The following CAMK2B variants were observed in gnomAD, a reference collection of about 807,000 sequenced individuals.
CAMK2B encodes the protein calcium/calmodulin dependent protein kinase II beta.
In CAMK2B, 27 loss-of-function variants were observed where a neutral mutation model predicts 93.7. The ratio of observed to expected loss-of-function variants is 0.29; its 90% confidence interval spans 0.21 to 0.40. The LOEUF is 0.40. CAMK2B is among the 10% of genes least tolerant of loss of function. The pLI is 1.00. For missense variants in CAMK2B, 568 were observed against 895.8 expected (o/e 0.63, Z 4.67); for synonymous variants, 374 against 358.8 (o/e 1.04, Z -0.48).
chr7:44,230,754 C>A (rs140888217), intron 17 of CAMK2B, among the ~76,000 whole-genome samples: 9 of 152,142 alleles, frequency 5.9e-5, no homozygotes, highest in African/African-American at 2.2e-4. Context: ...CATGCAAAGC[C>A]GTGGCTTCCT....
intron 12 of CAMK2B, among the ~76,000 whole-genome samples, chr7:44,240,363 A>G (rs2096666440): frequency 6.6e-6 from 1 of 152,200 alleles, no homozygotes; most frequent in African/African-American, 2.4e-5. Flanking sequence ...TGTTCAGAGC[A>G]CTCAAAATGA....
At chr7:44,314,058 C>T (rs1051389310) in intron 1 of CAMK2B, among the ~76,000 whole-genome samples, 2 of 152,176 alleles carry the variant, frequency 1.3e-5, no homozygotes, top group East Asian at 3.9e-4. Flanking sequence ...GCAATGTGAA[C>T]GTCGAGATCC....
At chr7:44,251,142 G>A (rs1337565272) in intron 5 of CAMK2B, among the ~76,000 whole-genome samples, 1 of 152,162 alleles carries the variant, frequency 6.6e-6, no homozygotes, top group Non-Finnish European at 1.5e-5. Flanking sequence ...CGTCTGTGTG[G>A]TTCGGAAAGC....
At chr7:44,234,578 G>T (rs1468614315) in intron 14 of CAMK2B, 61 bp downstream of exon 14, 9 of 1,597,576 alleles carry the variant, frequency 5.6e-6, no homozygotes, top group Non-Finnish European at 6.0e-6. Context: ...GCCCCAGGGC[G>T]TGGGGGTGAA....
At chr7:44,238,074 T>C (rs894797345) in intron 13 of CAMK2B, among the ~76,000 whole-genome samples, 5 of 152,206 alleles carry the variant, frequency 3.3e-5, no homozygotes, top group African/African-American at 7.2e-5. Flanking sequence ...TCAGCTGCCA[T>C]TGGCAGAGAA....
intron 1 of CAMK2B, among the ~76,000 whole-genome samples, chr7:44,309,847 C>T (rs1793020719): frequency 6.6e-6 from 1 of 152,282 alleles, no homozygotes; most frequent in African/African-American, 2.4e-5. Flanking sequence ...GTCCGCGCAG[C>T]CTTGCAGCGA....
chr7:44,265,162 C>T (rs971221610), intron 2 of CAMK2B, among the ~76,000 whole-genome samples: 1 of 152,206 alleles, frequency 6.6e-6, no homozygotes, highest in African/African-American at 2.4e-5. Context: ...CACTTCTGTA[C>T]AATCTCCCTG....
intron 10 of CAMK2B, 85 bp downstream of exon 10, chr7:44,242,133 C>A: frequency 6.6e-7 from 1 of 1,504,372 alleles, no homozygotes; most frequent in Non-Finnish European, 9.0e-7. Context: ...GAACAGGACC[C>A]TCTTGGGGTC....
chr7:44,254,434 A>G, intron 5 of CAMK2B, 108 bp downstream of exon 5: 1 of 805,846 alleles, frequency 1.2e-6, no homozygotes, highest in Middle Eastern at 2.3e-4. Flanking sequence ...GTGAGCAGGG[A>G]TGCTCAGCAC....
intron 2 of CAMK2B, chr7:44,268,159 C>T (rs529706256): frequency 6.6e-6 from 1 of 152,336 alleles, no homozygotes; most frequent in South Asian, 2.1e-4. Flanking sequence ...CGCACACATC[C>T]CAGGACGCCG....
chr7:44,271,527 T>C lies in CAMK2B; in HGVS notation c.161-8463A>G, dbSNP rs1053202029. Among the ~76,000 whole-genome samples the C allele has an allele frequency of 4.7e-4, 71 of 152,320 alleles. No homozygotes were observed. The highest frequency in any genetic ancestry group is 1.6e-3 in the African/African-American group (67 of 41,586). On this transcript the variant is annotated intron_variant, in intron 2 of 23. Coordinates refer to ENST00000395749, the MANE Select transcript of CAMK2B (RefSeq NM_001220.5). The surrounding 1 kb of genome is among the most constrained non-coding windows in gnomAD (Gnocchi z 4.2). The stretch of plus-strand genomic sequence containing the variant: ...ACTCTGGTGACAGAAAAGTGGGCAT[T>C]GGCTGTGGGGTGGGGCAGGCAGAGG...
intron 1 of CAMK2B, among the ~76,000 whole-genome samples, chr7:44,322,746 C>T (rs1584985955): frequency 2.0e-5 from 3 of 152,324 alleles, no homozygotes; most frequent in African/African-American, 4.8e-5. Flanking sequence ...GGGGAAGATT[C>T]GGGAGCAGAG....
At chr7:44,250,240 G>A (rs1415500728) in intron 5 of CAMK2B, among the ~76,000 whole-genome samples, 1 of 152,222 alleles carries the variant, frequency 6.6e-6, no homozygotes, top group Non-Finnish European at 1.5e-5. Context: ...TTGTCCTGGT[G>A]CAATCTGAGA....
chr7:44,246,536 T>C (rs1196494105), intron 6 of CAMK2B, among the ~76,000 whole-genome samples: 1 of 152,084 alleles, frequency 6.6e-6, no homozygotes, highest in African/African-American at 2.4e-5. Flanking sequence ...TACACACTTG[T>C]ACACACTTGC....
intron 16 of CAMK2B, among the ~76,000 whole-genome samples, chr7:44,232,165 T>G (rs1202469148): frequency 6.7e-6 from 1 of 149,300 alleles, no homozygotes; most frequent in African/African-American, 2.5e-5. Context: ...GTGGTGGCAC[T>G]GGCCAGAAGG....
intron 16 of CAMK2B, among the ~76,000 whole-genome samples, chr7:44,232,269 C>T (rs886603269): frequency 1.6e-4 from 25 of 152,208 alleles, no homozygotes; most frequent in African/African-American, 4.8e-4. Flanking sequence ...GGTGTAGTGG[C>T]GCTGTTTTGG....
In CAMK2B at chr7:44,271,903, T is replaced by C. The variant is rs2096977950; in HGVS notation, c.161-8839A>G. On this transcript the variant is annotated intron_variant, in intron 2 of 23. Transcript: ENST00000395749. The surrounding 1 kb of genome is among the most constrained non-coding windows in gnomAD (Gnocchi z 4.2). ...TATGAGTCCCTTCAGGGTAGTGACT[T>C]CTGTGTGCTGAGGACTGGCTCTGGG... Among the ~76,000 whole-genome samples the C allele has an allele frequency of 2.6e-5, 4 of 152,234 alleles. No individual in the cohort carries two copies. Among genetic ancestry groups the C allele is most frequent in the Admixed American group, 2.0e-4 (3 of 15,280 alleles).
At chr7:44,289,683 T>C (rs1026964690) in intron 1 of CAMK2B, among the ~76,000 whole-genome samples, 7 of 152,198 alleles carry the variant, frequency 4.6e-5, no homozygotes, top group Admixed American at 6.5e-5. Flanking sequence ...CACAACACAG[T>C]ATCCGGCATC....
chr7:44,222,650 G>T (rs986705923), intron 20 of CAMK2B, among the ~76,000 whole-genome samples: 1 of 152,126 alleles, frequency 6.6e-6, no homozygotes, highest in East Asian at 1.9e-4. Flanking sequence ...CACCATATTG[G>T]CCAGGCTGGT....
Sources: gnomAD v4.1 joint callset for allele counts (sites outside exome capture counted in the v4.1 genomes callset) on GRCh38, gnomAD v4.1.1 for gene constraint, Gnocchi (gnomAD v3.1) non-coding constraint, MANE v1.5 for transcripts, NCBI Gene and HGNC (gene_info 2026-07-23, HGNC 2026-07-21) for gene names.